The following PCDH9 variants were observed in gnomAD, a reference collection of about 807,000 sequenced individuals.
PCDH9 encodes the protein protocadherin-9.
PCDH9 carries 24 observed loss-of-function variants against 70.6 expected under a neutral mutation model. That is an observed-to-expected ratio of 0.34 (90% CI 0.25 to 0.48). The LOEUF (loss-of-function observed/expected upper bound fraction) is 0.48. Ranked by LOEUF, PCDH9 falls within the 20% of genes least tolerant of loss-of-function variation. The pLI is 0.99. For synonymous variants in PCDH9, 562 were observed against 558.5 expected (o/e 1.01, Z -0.09); for missense variants, 1,281 against 1,503.6 (o/e 0.85, Z 2.45).
At chr13:66,820,707 A>G in intron 3 of PCDH9, among the ~76,000 whole-genome samples, 1 of 152,160 alleles carries the variant, frequency 6.6e-6, no homozygotes, top group Non-Finnish European at 1.5e-5. Context: ...AGGGACATGG[A>G]TGGAGCTGGA....
In PCDH9 at chr13:66,434,628, C is replaced by A. The variant is rs551159204; in HGVS notation, c.3341-129600G>T. On this transcript the variant is annotated intron_variant, in intron 4 of 4. Transcript: ENST00000377865. ...ATGGAATTATAGTACTTGGAATGGT[C>A]ATCACATTTTTTTTAATCCTATGGA... is the stretch of plus-strand genomic sequence containing the variant. Among the ~76,000 whole-genome samples, 20 of 152,004 alleles carry A rather than the reference C, an allele frequency of 1.3e-4. No homozygotes were observed. The South Asian group carries it at 4.1e-3, about 32-fold the overall frequency.
At chr13:66,649,484 A>G (rs1309376714) in intron 3 of PCDH9, among the ~76,000 whole-genome samples, 1 of 152,116 alleles carries the variant, frequency 6.6e-6, no homozygotes, top group Non-Finnish European at 1.5e-5. Flanking sequence ...AACATGAAGG[A>G]CAAATAAAGA....
At chr13:66,863,542 G>T (rs1016023594) in intron 3 of PCDH9, among the ~76,000 whole-genome samples, 8 of 152,142 alleles carry the variant, frequency 5.3e-5, no homozygotes, top group Non-Finnish European at 1.0e-4. Context: ...CTGGAGTGCA[G>T]TGGCAGGATC....
chr13:67,048,494 A>G (rs2085264456), intron 2 of PCDH9, among the ~76,000 whole-genome samples: 1 of 152,118 alleles, frequency 6.6e-6, no homozygotes, highest in Admixed American at 6.6e-5. Context: ...TTTGTTTTTC[A>G]TGTGGTTGTA....
At chr13:66,527,075 A>G (rs1192130863) in intron 4 of PCDH9, among the ~76,000 whole-genome samples, 1 of 152,188 alleles carries the variant, frequency 6.6e-6, no homozygotes, top group Non-Finnish European at 1.5e-5. Flanking sequence ...GCGAAAGCCA[A>G]CTAGCACCTA....
chr13:66,827,792 T>C (rs1353681014), intron 3 of PCDH9, among the ~76,000 whole-genome samples: 1 of 152,092 alleles, frequency 6.6e-6, no homozygotes, highest in East Asian at 1.9e-4. Context: ...AACCGATGGG[T>C]AAGGAAGACT....
intron 3 of PCDH9, among the ~76,000 whole-genome samples, chr13:66,784,581 G>C (rs1239227391): frequency 6.6e-6 from 1 of 152,076 alleles, no homozygotes; most frequent in Non-Finnish European, 1.5e-5. Context: ...ACATGCAGCT[G>C]AATCTATTCC....
chr13:67,010,421 C>A (rs2084431679), intron 2 of PCDH9, among the ~76,000 whole-genome samples: 1 of 151,948 alleles, frequency 6.6e-6, no homozygotes, highest in African/African-American at 2.4e-5. Context: ...TCTCTATTGC[C>A]TATAAAAGCC....
Position 67,074,121 on chromosome 13 carries a change from T to C in PCDH9, c.3036+151284A>G, listed in dbSNP as rs182742798. On this transcript the variant is annotated intron_variant, in intron 2 of 4. Transcript: ENST00000377865. Reference sequence around the variant, plus strand: ...TATTATCTATCTATCTATCTATCTATCTGTCTATCTATCTATCTTACTGCT... The same window carrying C: ...TATTATCTATCTATCTATCTATCTACCTGTCTATCTATCTATCTTACTGCT... Among the ~76,000 whole-genome samples, 79 of 149,532 alleles carry C rather than the reference T, an allele frequency of 5.3e-4. 1 individual carries two copies. In the Middle Eastern group the frequency reaches 0.024, roughly 46 times the overall value.
At chr13:66,937,645 CTT>C (rs1400186560) in intron 2 of PCDH9, among the ~76,000 whole-genome samples, 1 of 152,170 alleles carries the variant, frequency 6.6e-6, no homozygotes, top group Non-Finnish European at 1.5e-5. Context: ...GAAAACCTAA[CTT>C]AGTAGTATAT....
At chr13:66,818,166 A>T (rs1886314) in intron 3 of PCDH9, among the ~76,000 whole-genome samples, 1 of 152,152 alleles carries the variant, frequency 6.6e-6, no homozygotes, top group Non-Finnish European at 1.5e-5. Flanking sequence ...TCAGCATATT[A>T]ATTAAATTTA....
chr13:66,651,020 C>T (rs986567594), intron 3 of PCDH9, among the ~76,000 whole-genome samples: 4 of 151,620 alleles, frequency 2.6e-5, no homozygotes, highest in South Asian at 2.1e-4. Flanking sequence ...AAAACCTATG[C>T]GATACAGCAA....
chr13:66,995,616 T>G (rs1247460742), intron 2 of PCDH9, among the ~76,000 whole-genome samples: 2 of 152,186 alleles, frequency 1.3e-5, no homozygotes, highest in Non-Finnish European at 2.9e-5. Context: ...TTTCACAAAG[T>G]TAAGATGGTT....
chr13:66,721,062 G>C (rs779741212), intron 3 of PCDH9, among the ~76,000 whole-genome samples: 14 of 152,140 alleles, frequency 9.2e-5, no homozygotes, highest in Non-Finnish European at 2.1e-4. Context: ...AGTGTAATGG[G>C]TTATAACCAT....
intron 4 of PCDH9, among the ~76,000 whole-genome samples, chr13:66,503,610 G>T (rs1566375213): frequency 6.6e-6 from 1 of 152,180 alleles, no homozygotes; most frequent in Non-Finnish European, 1.5e-5. Flanking sequence ...TGGGTGAATT[G>T]AGCAGGTGAC....
chr13:67,054,307 A>G (rs1180523644), intron 2 of PCDH9, among the ~76,000 whole-genome samples: 1 of 152,160 alleles, frequency 6.6e-6, no homozygotes, highest in Non-Finnish European at 1.5e-5. Context: ...TAAAGATCTA[A>G]ATATATTTTA....
At chr13:66,367,287 A>C (rs1411001046) in intron 4 of PCDH9, among the ~76,000 whole-genome samples, 2 of 152,176 alleles carry the variant, frequency 1.3e-5, no homozygotes, top group Non-Finnish European at 2.9e-5. Context: ...CATTTTAAAA[A>C]TTACAAGCAA....
chr13:66,477,853 A>C (rs1958762465), intron 4 of PCDH9, among the ~76,000 whole-genome samples: 1 of 152,320 alleles, frequency 6.6e-6, no homozygotes, highest in East Asian at 1.9e-4. Flanking sequence ...CTTATTTTGC[A>C]TAAACTCGTA....
At chr13:67,014,237 A>G (rs1796141131) in intron 2 of PCDH9, among the ~76,000 whole-genome samples, 1 of 152,128 alleles carries the variant, frequency 6.6e-6, no homozygotes, top group South Asian at 2.1e-4. Flanking sequence ...CCTGGCCAGT[A>G]AGTAAGATTG....
Sources: gnomAD v4.1 joint callset for allele counts (sites outside exome capture counted in the v4.1 genomes callset) on GRCh38, gnomAD v4.1.1 for gene constraint, MANE v1.5 for transcripts, NCBI Gene and HGNC (gene_info 2026-07-23, HGNC 2026-07-21) for gene names.